DENND1A: variants seen among roughly 807,000 people sequenced by gnomAD.
DENND1A encodes the protein DENN domain containing 1A.
DENND1A carries 51 observed loss-of-function variants against 113.7 expected under a neutral mutation model. That is an observed-to-expected ratio of 0.45 (90% CI 0.36 to 0.57). DENND1A has a LOEUF of 0.57. Among genes scored for constraint, DENND1A ranks in the 20% least tolerant of loss-of-function variants. The pLI is 0.00. For missense variants in DENND1A, 1,258 were observed against 1,395.9 expected (o/e 0.90, Z 1.57); for synonymous variants, 565 against 570.8 (o/e 0.99, Z 0.14).
chr9:123,635,003 C>T (rs2061636427), intron 9 of DENND1A, among the ~76,000 whole-genome samples: 1 of 152,082 alleles, frequency 6.6e-6, no homozygotes, highest in Admixed American at 6.6e-5. Context: ...TTCTCTGAGG[C>T]AAAGGGAGAC....
intron 2 of DENND1A, among the ~76,000 whole-genome samples, chr9:123,797,214 A>G (rs73666287): frequency 0.013 from 2,008 of 152,190 alleles, 49 homozygotes; most frequent in African/African-American, 0.046. Flanking sequence ...ATATAATCTC[A>G]TTGTTCAATT....
chr9:123,897,943 C>T (rs1247790721), intron 1 of DENND1A, among the ~76,000 whole-genome samples: 3 of 132,110 alleles, frequency 2.3e-5, no homozygotes, highest in East Asian at 2.1e-4. Context: ...CTGTCTCAAG[C>T]GGAAAAAAAA....
intron 3 of DENND1A, among the ~76,000 whole-genome samples, chr9:123,778,870 G>A (rs1364795205): frequency 6.6e-6 from 1 of 152,194 alleles, no homozygotes; most frequent in African/African-American, 2.4e-5. Context: ...TGCCAGTCAT[G>A]TTGGTTCTCT....
intron 13 of DENND1A, among the ~76,000 whole-genome samples, chr9:123,555,329 C>T (rs540916308): frequency 3.9e-5 from 6 of 152,342 alleles, no homozygotes; most frequent in Admixed American, 3.9e-4. Flanking sequence ...AAAACTTACA[C>T]TCCTCACAGG....
At chr9:123,487,756 A>G (rs2051018496) in intron 13 of DENND1A, among the ~76,000 whole-genome samples, 1 of 152,190 alleles carries the variant, frequency 6.6e-6, no homozygotes, top group Non-Finnish European at 1.5e-5. Context: ...GGGCTGGGGG[A>G]ACAAAAGACT....
intron 2 of DENND1A, among the ~76,000 whole-genome samples, chr9:123,807,164 T>C (rs184155709): frequency 3.3e-5 from 5 of 152,360 alleles, no homozygotes; most frequent in Admixed American, 1.3e-4. Flanking sequence ...ATTTAACTCA[T>C]CAAAATATCT....
rs528212686 is a variant in DENND1A, at chr9:123,451,356, C to G, written c.1300-607G>C. Among the ~76,000 whole-genome samples the G allele has an allele frequency of 2.0e-5, 3 of 152,302 alleles. No homozygotes were observed. In the South Asian group the frequency reaches 6.2e-4, roughly 32 times the overall value. ...AAAATGGAAATAAAATAAAACCACC[C>G]CGCTTCAGTGGCTCACGGTCAAATT... On this transcript the variant is annotated intron_variant, in intron 17 of 23. Transcript: ENST00000394215.
chr9:123,515,645 G>T (rs1203538751), intron 13 of DENND1A, among the ~76,000 whole-genome samples: 2 of 152,166 alleles, frequency 1.3e-5, no homozygotes, highest in African/African-American at 4.8e-5. Context: ...GAAGGAAAAA[G>T]AAAATGTCAA....
At chr9:123,548,591 T>C (rs928668110) in intron 13 of DENND1A, among the ~76,000 whole-genome samples, 3 of 152,192 alleles carry the variant, frequency 2.0e-5, no homozygotes, top group South Asian at 2.1e-4. Context: ...TGCAAGCAGG[T>C]GTTCAACTAT....
chr9:123,904,301 C>T (rs541921158), intron 1 of DENND1A, among the ~76,000 whole-genome samples: 5,582 of 151,612 alleles, frequency 0.037, 105 homozygotes, highest in Middle Eastern at 0.045. Flanking sequence ...AACTCTAAAA[C>T]GCAGAGCGTC....
intron 13 of DENND1A, among the ~76,000 whole-genome samples, chr9:123,512,355 C>A (rs952387937): frequency 1.3e-5 from 2 of 152,206 alleles, no homozygotes; most frequent in South Asian, 2.1e-4. Context: ...GGGAGCGTGG[C>A]CCCTGGCCAT....
At chr9:123,551,007 C>T (rs1223279169) in intron 13 of DENND1A, among the ~76,000 whole-genome samples, 1 of 152,220 alleles carries the variant, frequency 6.6e-6, no homozygotes, top group African/African-American at 2.4e-5. Flanking sequence ...GCAAGAAAGG[C>T]CTAAATAAAT....
Position 123,420,968 on chromosome 9 carries a change from G to A in DENND1A, c.1489-9139C>T, listed in dbSNP as rs573663803. 2.9e-3 allele frequency among the ~76,000 whole-genome samples: 446 copies of A among 151,346 alleles called. 1 individual carries two copies. Among genetic ancestry groups the A allele is most frequent in the Non-Finnish European group, 4.8e-3 (325 of 67,860 alleles). On this transcript the variant is annotated intron_variant, in intron 19 of 23. Coordinates refer to ENST00000394215, the MANE Select transcript of DENND1A (RefSeq NM_001352964.2). ...GGCATCCCATTGGTGGCCGGAGGTC[G>A]GGCACCAGATGCGGCTGGTGCCTGG...
At chr9:123,787,403 A>G (rs1832350178) in intron 3 of DENND1A, among the ~76,000 whole-genome samples, 1 of 152,198 alleles carries the variant, frequency 6.6e-6, no homozygotes, top group Non-Finnish European at 1.5e-5. Context: ...AAGTAACATG[A>G]AAGTTTTCAT....
chr9:123,450,014 T>C (rs1407902656), intron 18 of DENND1A, among the ~76,000 whole-genome samples: 1 of 52,068 alleles, frequency 1.9e-5, no homozygotes, highest in South Asian at 4.7e-4. Flanking sequence ...TAAAATAAAA[T>C]AAAATACAAA....
Position 123,404,507 on chromosome 9 carries a change from G to A in DENND1A, c.1543-1017C>T, listed in dbSNP as rs533091773. Among the ~76,000 whole-genome samples the A allele has an allele frequency of 5.9e-5, 9 of 152,258 alleles. No individual in the cohort carries two copies. The South Asian group carries it at 1.2e-3, about 21-fold the overall frequency. ...CCACGGATGGGATGCCACAACTGCT[G>A]AGTTTCCAGGACAAGACAGGGAAGG... On this transcript the variant is annotated intron_variant, in intron 20 of 23. Transcript: ENST00000394215.
At chr9:123,740,899 T>TGAGAGAGTGAGAGAGAGAGAGAAAGA (rs2068953709) in intron 5 of DENND1A, among the ~76,000 whole-genome samples, 1 of 108,870 alleles carries the variant, frequency 9.2e-6, no homozygotes, top group African/African-American at 3.7e-5. Context: ...GAAGGGAAAG[T>TGAGAGAGTGAGAGAGAGAGAGAAAGA]GAGAGAGAGA....
chr9:123,622,906 G>T (rs2061026308), intron 10 of DENND1A, among the ~76,000 whole-genome samples: 1 of 152,156 alleles, frequency 6.6e-6, no homozygotes, highest in African/African-American at 2.4e-5. Flanking sequence ...CACTGGCCAA[G>T]GTCAAGGCCA....
In DENND1A at chr9:123,458,982, C is replaced by A. The variant is rs575501118; in HGVS notation, c.994-1085G>T. Reference sequence around the variant, plus strand: ...GTCTCAAAACAAACAAACAAACAAACAAAAAAACAAAACAAAAAAACAAAA... The same window carrying A: ...GTCTCAAAACAAACAAACAAACAAAAAAAAAAACAAAACAAAAAAACAAAA... On this transcript the variant is annotated intron_variant, in intron 13 of 23. Transcript: ENST00000394215. Among the ~76,000 whole-genome samples, 5 of 151,750 alleles carry A rather than the reference C, an allele frequency of 3.3e-5. No homozygotes were observed. In the South Asian group the frequency reaches 8.3e-4, roughly 25 times the overall value.
Sources: allele counts gnomAD v4.1 joint callset (sites outside exome capture counted in the v4.1 genomes callset), GRCh38; gene constraint gnomAD v4.1.1; transcripts MANE v1.5; gene names NCBI Gene and HGNC (gene_info 2026-07-23, HGNC 2026-07-21).